The following SVEP1 variants were observed in gnomAD, a reference collection of about 807,000 sequenced individuals.
SVEP1 encodes the protein sushi, von Willebrand factor type A, EGF and pentraxin domain-containing protein 1.
A neutral mutation model predicts 367.3 loss-of-function variants in SVEP1; 164 were observed. The observed-to-expected ratio is 0.45, with a 90% CI of 0.39 to 0.51. The LOEUF (loss-of-function observed/expected upper bound fraction) is 0.51. Ranked by LOEUF, SVEP1 falls within the 20% of genes least tolerant of loss-of-function variation. The pLI is 0.00. For missense variants in SVEP1, 4,117 were observed against 4,425.3 expected, an observed-to-expected ratio of 0.93 and a Z score of 1.98; for synonymous variants, 1,666 against 1,611.6, an observed-to-expected ratio of 1.03 and a Z score of -0.81.
intron 3 of SVEP1, among the ~76,000 whole-genome samples, chr9:110,530,826 C>T (rs150979376): frequency 2.9e-4 from 44 of 152,216 alleles, no homozygotes; most frequent in Admixed American, 7.2e-4. Flanking sequence ...TGTGAGCCAC[C>T]GTGCCCAGTC....
chr9:110,506,327 C>T (rs959565767), intron 5 of SVEP1, among the ~76,000 whole-genome samples: 5 of 152,178 alleles, frequency 3.3e-5, no homozygotes, highest in African/African-American at 1.2e-4. Flanking sequence ...ATGACTAAAA[C>T]ACCAAAAGCA....
Position 110,465,953 on chromosome 9 carries a change from C to A in SVEP1, c.3234G>T (p.Gln1078His). 1 of 1,613,024 alleles carries A rather than the reference C, an allele frequency of 6.2e-7. No individual in the cohort carries two copies. Among genetic ancestry groups the A allele is most frequent in the Non-Finnish European group, 8.5e-7 (1 of 1,179,536 alleles). ...TCESCPLGTY[Q>H]PKFGSRSCLS... is the part of the protein sequence containing the mutation. ...GGCAGCTCCGGGAACCAAATTTTGG[C>A]TGATAAGTGCCCAGTGGACACGATT... The change falls in exon 18 of 48, where the codon CAG (glutamine) becomes CAT (histidine). Residue 1078 changes from glutamine (Q) to histidine (H), a missense_variant. By Grantham distance (24) the Gln-to-His change is conservative. Coordinates refer to ENST00000374469, the MANE Select transcript of SVEP1 (RefSeq NM_153366.4).
chr9:110,568,638 G>A (rs1176141161), intron 1 of SVEP1, among the ~76,000 whole-genome samples: 3 of 152,106 alleles, frequency 2.0e-5, no homozygotes, highest in Admixed American at 1.3e-4. Context: ...CTTGCTGAGG[G>A]AAGGGACCCT....
In SVEP1 at chr9:110,532,377, G is replaced by T. The variant is rs149053935; in HGVS notation, c.964+13738C>A. The stretch of plus-strand genomic sequence containing the variant: ...CTAAGGGAGAAGGGATGAGAGGAAA[G>T]GTGTCATAGAAGTTAGTTTGCTGTA... On this transcript the variant is annotated intron_variant, in intron 3 of 47. Coordinates refer to ENST00000374469, the MANE Select transcript of SVEP1 (RefSeq NM_153366.4). Among the ~76,000 whole-genome samples the T allele has an allele frequency of 5.2e-3, 799 of 152,246 alleles. 10 individuals carry two copies. Among genetic ancestry groups the T allele is most frequent in the African/African-American group, 0.018 (763 of 41,544 alleles).
rs147171042 is a variant in SVEP1 at position 110,516,029 on chromosome 9, G to A, written c.965-1923C>T. On this transcript the variant is annotated intron_variant, in intron 3 of 47. Transcript: ENST00000374469. ...CAGACAATTCAGAACCAGAGTCCATGTTCTTTACCACTACACGTGCTGTGA... is the reference window on the plus strand; with the variant it reads ...CAGACAATTCAGAACCAGAGTCCATATTCTTTACCACTACACGTGCTGTGA... Among the ~76,000 whole-genome samples, 19 of 151,910 alleles carry A rather than the reference G, an allele frequency of 1.3e-4. No homozygotes were observed. In the East Asian group the frequency reaches 3.7e-3, roughly 29 times the overall value.
intron 43 of SVEP1, among the ~76,000 whole-genome samples, chr9:110,382,728 A>G (rs1044981094): frequency 2.0e-5 from 3 of 152,176 alleles, no homozygotes; most frequent in Admixed American, 6.5e-5. Context: ...GTCTTTTTAC[A>G]TAATTTCATA....
At chr9:110,425,779 A>C (rs1478769082) in intron 36 of SVEP1, among the ~76,000 whole-genome samples, 1 of 152,224 alleles carries the variant, frequency 6.6e-6, no homozygotes, top group African/African-American at 2.4e-5. Context: ...AAAAGGTATA[A>C]ATCTGTACAT....
chr9:110,447,585 TA>T (rs1221185175), intron 24 of SVEP1, among the ~76,000 whole-genome samples: 1 of 152,222 alleles, frequency 6.6e-6, no homozygotes, highest in Admixed American at 6.5e-5. Context: ...CAAACCATTT[TA>T]AACTCATCAG....
chr9:110,432,727 T>C, intron 30 of SVEP1, 92 bp from the exon 31 acceptor site: 3 of 1,429,992 alleles, frequency 2.1e-6, no homozygotes, highest in Non-Finnish European at 1.9e-6. Context: ...CAGTTAAGCA[T>C]GACATTTTTA....
chr9:110,457,730 T>C (rs1828797618), intron 20 of SVEP1, among the ~76,000 whole-genome samples: 1 of 152,148 alleles, frequency 6.6e-6, no homozygotes, highest in Non-Finnish European at 1.5e-5. Context: ...CTAATACACC[T>C]CCATGTGACA....
intron 1 of SVEP1, among the ~76,000 whole-genome samples, chr9:110,568,313 A>G (rs1414299651): frequency 9.9e-5 from 15 of 152,220 alleles, no homozygotes; most frequent in Non-Finnish European, 1.9e-4. Context: ...ATGAAATTGA[A>G]CTTACATTAT....
In SVEP1 at chr9:110,383,267, C is replaced by CTGT. The variant is rs1206331573; in HGVS notation, c.10237+2628_10237+2630dup. 6.1e-5 allele frequency among the ~76,000 whole-genome samples: 9 copies of CTGT among 147,354 alleles called. 1 individual carries two copies. The South Asian group carries it at 8.4e-4, about 14-fold the overall frequency. On this transcript the variant is annotated intron_variant, in intron 43 of 47. Coordinates refer to ENST00000374469, the MANE Select transcript of SVEP1 (RefSeq NM_153366.4). ...TTTGTGAGGGCTTTTTTGTTGATGG[C>CTGT]TGTTGTTGTTGTTGCTGCTTTCTCT...
intron 43 of SVEP1, among the ~76,000 whole-genome samples, chr9:110,383,371 G>T (rs2118957307): frequency 6.6e-6 from 1 of 152,262 alleles, no homozygotes; most frequent in African/African-American, 2.4e-5. Context: ...GACCCTATTT[G>T]CCTGGGTCGC....
intron 40 of SVEP1, among the ~76,000 whole-genome samples, chr9:110,390,077 ACGTG>A (rs1827611310): frequency 8.1e-6 from 1 of 123,720 alleles, no homozygotes; most frequent in African/African-American, 2.8e-5. Context: ...ATATATATAT[ACGTG>A]TATATATACA....
At position 110,427,546 on chromosome 9, in the gene SVEP1, C is replaced by T. The variant is rs534819227; in HGVS notation, c.5975+45G>A. The T allele has an allele frequency of 6.3e-5, 100 of 1,582,348 alleles. No individual in the cohort carries two copies. In the South Asian group the frequency reaches 1.1e-3, roughly 17 times the overall value. ...CCATCTCTGCAGTCAGGAGCATCCA[C>T]TTCCTTGGCTCTCAATGATCCTTTC... On this transcript the variant is annotated intron_variant, in intron 36 of 47. Coordinates refer to ENST00000374469, the MANE Select transcript of SVEP1 (RefSeq NM_153366.4).
intron 22 of SVEP1, among the ~76,000 whole-genome samples, chr9:110,453,283 G>A (rs967609781): frequency 2.0e-5 from 3 of 152,086 alleles, no homozygotes; most frequent in Non-Finnish European, 4.4e-5. Flanking sequence ...ATATTATGGG[G>A]TCATTACTAT....
chr9:110,542,450 T>C (rs1830163471), intron 3 of SVEP1, among the ~76,000 whole-genome samples: 1 of 152,166 alleles, frequency 6.6e-6, no homozygotes, highest in African/African-American at 2.4e-5. Flanking sequence ...ATTCCAACTA[T>C]TCAGAATGAA....
intron 40 of SVEP1, among the ~76,000 whole-genome samples, chr9:110,396,074 C>T (rs1208368823): frequency 1.3e-5 from 2 of 152,118 alleles, no homozygotes; most frequent in South Asian, 2.1e-4. Flanking sequence ...CACACCTATT[C>T]CAAAACTGAC....
At position 110,406,610 on chromosome 9, in the gene SVEP1, C is replaced by G; in HGVS notation, c.8990G>C (p.Gly2997Ala). 1 of 1,613,866 alleles carries G rather than the reference C, an allele frequency of 6.2e-7. No homozygotes were observed. Among genetic ancestry groups the G allele is most frequent in the African/African-American group, 1.3e-5 (1 of 75,056 alleles). Reference protein sequence around the residue: ...RRCLSNGSWSGSSPSCLPCRC... With the variant: ...RRCLSNGSWSASSPSCLPCRC... Reference sequence around the variant, plus strand: ...GCAAGGCAGGCAGGAAGGTGAGCTGCCACTCCAGGAGCCATTGGAGAGGCA... The same window carrying G: ...GCAAGGCAGGCAGGAAGGTGAGCTGGCACTCCAGGAGCCATTGGAGAGGCA... The change falls in exon 38 of 48, where the codon GGC becomes GCC. Residue 2997 changes from glycine (G) to alanine (A), a missense_variant. Gly to Ala is a moderately conservative substitution (Grantham distance 60). Transcript: ENST00000374469.
Sources: allele counts gnomAD v4.1 joint callset (sites outside exome capture counted in the v4.1 genomes callset), GRCh38; gene constraint gnomAD v4.1.1; transcripts MANE v1.5; gene names NCBI Gene and HGNC (gene_info 2026-07-23, HGNC 2026-07-21).